The following BRCA1 variants were observed in gnomAD, a reference collection of about 807,000 sequenced individuals.
BRCA1 encodes breast cancer type 1 susceptibility protein.
Under a neutral mutation model 173.7 loss-of-function variants are expected in BRCA1, and 140 were observed. The observed-to-expected ratio is 0.81, with a 90% CI of 0.70 to 0.93. The LOEUF (loss-of-function observed/expected upper bound fraction) is 0.93. BRCA1 is among the 40% of genes least tolerant of loss of function. The pLI, the probability that BRCA1 is intolerant of heterozygous loss-of-function variation, is 0.00. For synonymous variants in BRCA1, 662 were observed against 756.0 expected, an observed-to-expected ratio of 0.88 and a Z score of 2.04; for missense variants, 1,983 against 2,172.5, an observed-to-expected ratio of 0.91 and a Z score of 1.73.
chr17:43,134,916 G>A (rs922992501), intron 1 of BRCA1, among the ~76,000 whole-genome samples: 1 of 152,176 alleles, frequency 6.6e-6, no homozygotes, highest in African/African-American at 2.4e-5. Flanking sequence ...CCAGGCCGAG[G>A]GCAGTGAAGC....
upstream of BRCA1, among the ~76,000 whole-genome samples, chr17:43,127,149 C>T (rs2055907956): frequency 1.3e-5 from 2 of 152,244 alleles, no homozygotes; most frequent in African/African-American, 4.8e-5. Context: ...CGACGGGCAC[C>T]GCCCCCTGCT....
At chr17:43,075,942 A>G (rs912314435) in intron 13 of BRCA1, among the ~76,000 whole-genome samples, 10 of 151,752 alleles carry the variant, frequency 6.6e-5, no homozygotes, top group Non-Finnish European at 1.2e-4. Flanking sequence ...AAATACAAAA[A>G]CTTAGTGGGT....
At chr17:43,047,410 G>A (rs1049664013) in intron 22 of BRCA1, among the ~76,000 whole-genome samples, 1 of 151,946 alleles carries the variant, frequency 6.6e-6, no homozygotes, top group African/African-American at 2.4e-5. Context: ...CTTGATTTAT[G>A]TTTTTGTGAT....
intron 1 of BRCA1, chr17:43,125,042 C>T (rs1194869516): frequency 4.7e-6 from 2 of 425,132 alleles, no homozygotes; most frequent in Non-Finnish European, 9.6e-6. Flanking sequence ...GTTCCTATCA[C>T]GAGGATTCCC....
intron 1 of BRCA1, among the ~76,000 whole-genome samples, chr17:43,134,613 T>C (rs146725834): frequency 6.6e-5 from 10 of 152,344 alleles, no homozygotes; most frequent in Non-Finnish European, 1.2e-4. Context: ...CTTTCCACTT[T>C]GTTTAAAATG....
intron 1 of BRCA1, among the ~76,000 whole-genome samples, chr17:43,149,102 CT>C (rs1179089555): frequency 3.3e-5 from 5 of 150,740 alleles, no homozygotes; most frequent in Admixed American, 6.6e-5. Context: ...AACTTTTTTA[CT>C]TTTTTTCCCC....
In BRCA1 at chr17:43,137,433, TAA is replaced by T. The variant is rs112877653; in HGVS notation, c.-19-13320_-19-13319del. ...CTAGACCTTAAAGTATAATAATAAT[TAA>T]AAAAAAAAAAAGAATAAAAGAGGTC... On this transcript the variant is annotated intron_variant, in intron 1 of 7. Transcript: ENST00000634433. Among the ~76,000 whole-genome samples, 158 of 140,950 alleles carry T rather than the reference TAA, an allele frequency of 1.1e-3. 1 individual carries two copies. The highest frequency in any genetic ancestry group is 3.8e-3 in the African/African-American group (150 of 39,072). 92.5% of individuals were successfully genotyped at this position (140,950 alleles called of 152,430 possible).
intron 8 of BRCA1, among the ~76,000 whole-genome samples, chr17:43,096,275 G>C (rs2054131765): frequency 6.6e-6 from 1 of 151,058 alleles, no homozygotes; most frequent in Non-Finnish European, 1.5e-5. Context: ...TACTAGAGAG[G>C]CTGAGGCAGG....
chr17:43,091,303 CAT>C, intron 10 of BRCA1, 130 bp downstream of exon 10: 2 of 1,219,852 alleles, frequency 1.6e-6, no homozygotes, highest in Non-Finnish European at 2.4e-6. Context: ...TTAGGAGGAA[CAT>C]GTTTCAAGTT....
At chr17:43,108,261 C>A (rs1416536947) in intron 3 of BRCA1, among the ~76,000 whole-genome samples, 1 of 150,610 alleles carries the variant, frequency 6.6e-6, no homozygotes, top group African/African-American at 2.4e-5. Flanking sequence ...TAAGTTGAAC[C>A]TGTGAGGCGG....
At chr17:43,112,806 G>A (rs1366859614) in intron 3 of BRCA1, among the ~76,000 whole-genome samples, 1 of 143,208 alleles carries the variant, frequency 7.0e-6, no homozygotes, top group Admixed American at 6.9e-5. Flanking sequence ...GCTGTTTTTT[G>A]TTGTTTTTTT....
Position 43,100,673 on chromosome 17 carries a change from TATATA to T in BRCA1, c.442-798_442-794del, listed in dbSNP as rs1185789746. ...TATATATAACATATATATATATATA[TATATA>T]ATATATATATATATATATATATATG... On this transcript the variant is annotated intron_variant, in intron 6 of 22. Transcript: ENST00000357654. Among the ~76,000 whole-genome samples the T allele has an allele frequency of 1.5e-3, 25 of 16,328 alleles. No individual in the cohort carries two copies. In the South Asian group the frequency reaches 0.017, roughly 11 times the overall value. 10.7% of individuals were successfully genotyped at this position (16,328 alleles called of 152,430 possible).
chr17:43,062,622 G>A (rs1272555656), intron 18 of BRCA1, among the ~76,000 whole-genome samples: 1 of 151,382 alleles, frequency 6.6e-6, no homozygotes, highest in African/African-American at 2.4e-5. Context: ...TTTTTAAGAC[G>A]GAGTCTCGCT....
At chr17:43,095,196 G>A (rs1223156203) in intron 9 of BRCA1, among the ~76,000 whole-genome samples, 1 of 152,152 alleles carries the variant, frequency 6.6e-6, no homozygotes, top group African/African-American at 2.4e-5. Flanking sequence ...TGGCCATTAA[G>A]TCTACTTAAT....
intron 3 of BRCA1, among the ~76,000 whole-genome samples, chr17:43,107,969 G>A (rs1294457035): frequency 2.0e-5 from 3 of 152,148 alleles, no homozygotes; most frequent in African/African-American, 7.2e-5. Context: ...ATATACTGGT[G>A]AAGGGGGTGA....
chr17:43,157,909 T>C (rs936500079), intron 1 of BRCA1, among the ~76,000 whole-genome samples: 1 of 148,456 alleles, frequency 6.7e-6, no homozygotes, highest in African/African-American at 2.5e-5. Context: ...GGCAGGAGAA[T>C]CACTTGAACC....
rs1363650349 is a variant in BRCA1, at chr17:43,063,965, A to C, written c.5075-14T>G. On this transcript the variant is annotated splice_polypyrimidine_tract_variant and intron_variant, in intron 16 of 22. Transcript: ENST00000357654. Reference sequence around the variant, plus strand: ...CAAACTCAGCATCTGCAGAATGAAAAACACTCAAAGGATTAGAAGTTGAAA... The same window carrying C: ...CAAACTCAGCATCTGCAGAATGAAACACACTCAAAGGATTAGAAGTTGAAA... The C allele has an allele frequency of 1.2e-6, 2 of 1,613,096 alleles. 1 individual carries two copies. Among genetic ancestry groups the C allele is most frequent in the South Asian group, 2.2e-5 (2 of 91,040 alleles).
At chr17:43,141,314 A>T (rs1315047939) in intron 1 of BRCA1, among the ~76,000 whole-genome samples, 1 of 152,100 alleles carries the variant, frequency 6.6e-6, no homozygotes, top group African/African-American at 2.4e-5. Context: ...GGGAATAATA[A>T]GAATTGTAGC....
chr17:43,157,972 G>T (rs2056208497), intron 1 of BRCA1, among the ~76,000 whole-genome samples: 1 of 147,718 alleles, frequency 6.8e-6, no homozygotes, highest in African/African-American at 2.5e-5. Context: ...TCCAGCCTGG[G>T]CAACAAGAGC....
Sources: allele counts gnomAD v4.1 joint callset (sites outside exome capture counted in the v4.1 genomes callset), GRCh38; gene constraint gnomAD v4.1.1; transcripts MANE v1.5; gene names NCBI Gene and HGNC (gene_info 2026-07-23, HGNC 2026-07-21).